Variants in BRCA2 observed in about 807,000 individuals in gnomAD.
The protein encoded by BRCA2 is breast cancer type 2 susceptibility protein.
A neutral mutation model predicts 276.7 loss-of-function variants in BRCA2; 203 were observed. The observed-to-expected ratio is 0.73, with a 90% CI of 0.65 to 0.82. BRCA2 has a LOEUF of 0.82. Among genes scored for constraint, BRCA2 ranks in the 40% least tolerant of loss-of-function variants. The pLI is 0.00. For missense variants in BRCA2, 3,920 were observed against 3,915.0 expected, an observed-to-expected ratio of 1.00 and a Z score of -0.03; for synonymous variants, 1,289 against 1,338.4, an observed-to-expected ratio of 0.96 and a Z score of 0.81.
chr13:32,396,824 A>C, intron 25 of BRCA2, 74 bp from the exon 26 acceptor site: 1 of 1,577,300 alleles, frequency 6.3e-7, no homozygotes, highest in Non-Finnish European at 8.7e-7. Context: ...TTCTGCTTTT[A>C]AAGGAAATAC....
chr13:32,395,857 CTATATCTAG>C (rs2073031864), intron 25 of BRCA2: 1 of 174,150 alleles, frequency 5.7e-6, no homozygotes, highest in South Asian at 1.0e-4. Context: ...TAACACTCTG[CTATATCTAG>C]TTTCTAAATT....
chr13:32,368,876 T>C (rs1389765090), intron 18 of BRCA2, among the ~76,000 whole-genome samples: 2 of 151,362 alleles, frequency 1.3e-5, no homozygotes, highest in East Asian at 3.9e-4. Context: ...AGTGGTGCGA[T>C]CTCGGCTCAC....
intron 18 of BRCA2, among the ~76,000 whole-genome samples, chr13:32,365,199 C>T (rs1205701674): frequency 7.6e-6 from 1 of 131,890 alleles, no homozygotes; most frequent in African/African-American, 2.9e-5. Context: ...ATGAGGTCTC[C>T]CTGTGTTGCC....
At chr13:32,331,123 A>T (rs1288781591) in intron 9 of BRCA2, 93 bp downstream of exon 9, 3 of 887,632 alleles carry the variant, frequency 3.4e-6, no homozygotes, top group East Asian at 2.7e-5. Flanking sequence ...GTCACCCGTG[A>T]TCTCGGTTTA....
chr13:32,340,831 A>C lies in BRCA2; in HGVS notation c.6476A>C (p.Gln2159Pro), dbSNP rs763486267. 1 of 1,590,168 alleles carries C rather than the reference A, an allele frequency of 6.3e-7. No homozygotes were observed. The highest frequency in any genetic ancestry group is 8.5e-7 in the Non-Finnish European group (1 of 1,172,232). ...GTTTCTCCATATCTCTCTCAATTTC[A>C]ACAAGACAAACAACAGTTGGTATTA... ...IKVSPYLSQF[Q>P]QDKQQLVLGT... Residue 2159 changes from glutamine to proline, a missense_variant, in exon 11 of 27, where the codon CAA becomes CCA. Physicochemically the swap from Gln to Pro is moderately conservative, Grantham distance 76 (BLOSUM62 -1). Around this residue, in one of 2 missense-constraint regions of BRCA2, gnomAD observed 3,263 missense variants for 3,156.9 expected, o/e 1.03. Transcript: ENST00000380152.
At position 32,354,180 on chromosome 13, in the gene BRCA2, T is replaced by C. The variant is rs206069; in HGVS notation, c.7008-681T>C. Among the ~76,000 whole-genome samples the C allele has an allele frequency of 0.98, 149,284 of 152,248 alleles. 73,256 individuals carry two copies. The highest frequency in any genetic ancestry group is 1 in the East Asian group (5,169 of 5,170). ...GAAAGTTGAGTAGAATGAGTTTGCG[T>C]GCATCCCACATGCATCTGGGAGGTC... On this transcript the variant is annotated intron_variant, in intron 13 of 26. Coordinates refer to ENST00000380152, the MANE Select transcript of BRCA2 (RefSeq NM_000059.4).
At chr13:32,315,955 G>A (rs1004174746) in intron 1 of BRCA2, among the ~76,000 whole-genome samples, 1 of 152,174 alleles carries the variant, frequency 6.6e-6, no homozygotes, top group African/African-American at 2.4e-5. Context: ...CCCAGATGAC[G>A]CCATCTGAAA....
chr13:32,363,035 A>C (rs1345027329), intron 17 of BRCA2, 144 bp from the exon 18 acceptor site: 1 of 767,702 alleles, frequency 1.3e-6, no homozygotes, highest in Non-Finnish European at 2.1e-6. Context: ...ATATGAAACA[A>C]TATATTCCTA....
chr13:32,355,659 C>G (rs2072688167), intron 14 of BRCA2, among the ~76,000 whole-genome samples: 1 of 151,968 alleles, frequency 6.6e-6, no homozygotes, highest in Non-Finnish European at 1.5e-5. Context: ...GTCAGGAGTT[C>G]AAGACCAGCC....
At chr13:32,354,179 G>A (rs1025760823) in intron 13 of BRCA2, among the ~76,000 whole-genome samples, 7 of 152,106 alleles carry the variant, frequency 4.6e-5, no homozygotes, top group Non-Finnish European at 8.8e-5. Flanking sequence ...ATGAGTTTGC[G>A]TGCATCCCAC....
chr13:32,352,743 G>C (rs2072661439), intron 13 of BRCA2, among the ~76,000 whole-genome samples: 2 of 152,116 alleles, frequency 1.3e-5, no homozygotes, highest in South Asian at 4.2e-4. Flanking sequence ...CTAACAAGAG[G>C]AACAAAATAA....
Position 32,340,318 on chromosome 13 carries a change from T to C in BRCA2, c.5963T>C (p.Val1988Ala), listed in dbSNP as rs2137522728. ...ACAGCAAGTGGAAAATCTGTCCAGG[T>C]ATCAGATGCTTCATTACAAAACGCA... ...FSTASGKSVQVSDASLQNARQ... is the reference protein window; with the variant it reads ...FSTASGKSVQASDASLQNARQ... Residue 1988 changes from valine to alanine, a missense_variant, in exon 11 of 27, where the codon GTA (valine) becomes GCA (alanine). Around this residue, in one of 2 missense-constraint regions of BRCA2, gnomAD observed 3,263 missense variants for 3,156.9 expected, o/e 1.03. Coordinates refer to ENST00000380152, the MANE Select transcript of BRCA2 (RefSeq NM_000059.4). 6.2e-7 allele frequency: 1 copy of C among 1,614,008 alleles called. No homozygotes were observed. The highest frequency in any genetic ancestry group is 8.5e-7 in the Non-Finnish European group (1 of 1,179,932).
chr13:32,340,948 A>G lies in BRCA2; in HGVS notation c.6593A>G (p.Glu2198Gly), dbSNP rs769139609. ...GTAAAAATGGAAATTGGTAAAACTG[A>G]AACTTTTTCTGATGTTCCTGTGAAA... ...KNVKMEIGKT[E>G]TFSDVPVKTN... is the part of the protein sequence containing the mutation. Residue 2198 changes from glutamate to glycine, a missense_variant, in exon 11 of 27, where the codon GAA becomes GGA. Physicochemically the swap from Glu to Gly is moderately conservative, Grantham distance 98 (BLOSUM62 -2). This residue lies in a region of BRCA2 where 3,263 missense variants were observed against 3,156.9 expected (regional missense o/e 1.03). Transcript: ENST00000380152. 1 of 1,609,736 alleles carries G rather than the reference A, an allele frequency of 6.2e-7. No homozygotes were observed. The highest frequency in any genetic ancestry group is 1.1e-5 in the South Asian group (1 of 89,466).
At position 32,325,468 on chromosome 13, in the gene BRCA2, C is replaced by A. The variant is rs575185141; in HGVS notation, c.425+284C>A. ...CAGTGGTGAAAAGCAGTAAGTCAGT[C>A]CTTGAATTATCAATTTAAAATAAAT... is the stretch of plus-strand genomic sequence containing the variant. On this transcript the variant is annotated intron_variant, in intron 4 of 26. Coordinates refer to ENST00000380152, the MANE Select transcript of BRCA2 (RefSeq NM_000059.4). 2.0e-5 allele frequency among the ~76,000 whole-genome samples: 3 copies of A among 151,690 alleles called. No individual in the cohort carries two copies. The East Asian group carries it at 5.8e-4, about 29-fold the overall frequency.
At chr13:32,343,450 G>A (rs1162160726) in intron 11 of BRCA2, among the ~76,000 whole-genome samples, 62 of 152,202 alleles carry the variant, frequency 4.1e-4, no homozygotes, top group Non-Finnish European at 5.9e-5. Flanking sequence ...TTCAAAAAGT[G>A]CCTTTTGCCC....
intron 24 of BRCA2, among the ~76,000 whole-genome samples, chr13:32,382,829 A>G (rs1214265916): frequency 6.6e-6 from 1 of 152,218 alleles, no homozygotes; most frequent in Non-Finnish European, 1.5e-5. Context: ...GCAAAACAGG[A>G]ACAGCTGTGG....
intron 24 of BRCA2, among the ~76,000 whole-genome samples, chr13:32,381,372 G>T (rs1285351734): frequency 6.6e-6 from 1 of 152,082 alleles, no homozygotes; most frequent in African/African-American, 2.4e-5. Context: ...AATTAAGTGG[G>T]TAAGGGGGTA....
chr13:32,394,834 C>A lies in BRCA2; in HGVS notation c.9402C>A (p.Gly3134=), dbSNP rs1418629826. 6.2e-7 allele frequency: 1 copy of A among 1,614,038 alleles called. No individual in the cohort carries two copies. The highest frequency in any genetic ancestry group is 8.5e-7 in the Non-Finnish European group (1 of 1,179,962). Residue 3134 remains glycine (G), a synonymous_variant, in exon 25 of 27, where the codon GGC becomes GGA. Transcript: ENST00000380152. ...NLQWRPESKS[G]LLTLFAGDFS... ...AGTGGCGACCAGAATCCAAATCAGGCCTTCTTACTTTATTTGCTGGAGATT... is the reference window on the plus strand; with the variant it reads ...AGTGGCGACCAGAATCCAAATCAGGACTTCTTACTTTATTTGCTGGAGATT...
At chr13:32,358,198 G>A (rs1445790024) in intron 16 of BRCA2, among the ~76,000 whole-genome samples, 2 of 152,180 alleles carry the variant, frequency 1.3e-5, no homozygotes, top group African/African-American at 4.8e-5. Flanking sequence ...AAATTTGGCC[G>A]GGTACAGTGG....
Sources: allele counts gnomAD v4.1 joint callset (sites outside exome capture counted in the v4.1 genomes callset), GRCh38; gene constraint gnomAD v4.1.1; regional missense constraint gnomAD v4.1.1; transcripts MANE v1.5; gene names NCBI Gene and HGNC (gene_info 2026-07-23, HGNC 2026-07-21).